EFNA5: variants seen among roughly 807,000 people sequenced by gnomAD.
The protein encoded by EFNA5 is ephrin-A5.
In EFNA5, 5 loss-of-function variants were observed where a neutral mutation model predicts 22.9. The ratio of observed to expected loss-of-function variants is 0.22; its 90% CI spans 0.11 to 0.46. The LOEUF (loss-of-function observed/expected upper bound fraction) is 0.46. EFNA5 is among the 20% of genes least tolerant of loss of function. The probability of loss-of-function intolerance (pLI) is 0.99; values close to 1 mark genes in which losing one functional copy is unlikely to be tolerated. For missense variants in EFNA5, 237 were observed against 293.3 expected (o/e 0.81, Z 1.40); for synonymous variants, 113 against 112.2 (o/e 1.01, Z -0.04).
At chr5:107,472,374 A>G (rs770477303) in intron 1 of EFNA5, among the ~76,000 whole-genome samples, 3 of 152,168 alleles carry the variant, frequency 2.0e-5, no homozygotes, top group Non-Finnish European at 4.4e-5. Flanking sequence ...TGCAAATAAT[A>G]ATGTTAATAG....
At chr5:107,639,428 A>C (rs537052025) in intron 1 of EFNA5, among the ~76,000 whole-genome samples, 1 of 152,304 alleles carries the variant, frequency 6.6e-6, no homozygotes, top group African/African-American at 2.4e-5. Context: ...TCATCCAATA[A>C]TCTCTCAATG....
At chr5:107,501,362 T>C (rs1207547356) in intron 1 of EFNA5, among the ~76,000 whole-genome samples, 3 of 152,216 alleles carry the variant, frequency 2.0e-5, no homozygotes, top group Non-Finnish European at 4.4e-5. Context: ...GCTTCTTATT[T>C]TATCTGTGTA....
intron 1 of EFNA5, among the ~76,000 whole-genome samples, chr5:107,520,319 C>G (rs1455214230): frequency 6.6e-6 from 1 of 152,070 alleles, no homozygotes; most frequent in African/African-American, 2.4e-5. Flanking sequence ...GGGTGGGGCC[C>G]TTCACTCTCA....
intron 1 of EFNA5, among the ~76,000 whole-genome samples, chr5:107,506,601 C>A (rs1316437232): frequency 6.6e-6 from 1 of 152,066 alleles, no homozygotes; most frequent in Non-Finnish European, 1.5e-5. Flanking sequence ...GAAATGAGTG[C>A]CTGAGGCAGG....
intron 1 of EFNA5, among the ~76,000 whole-genome samples, chr5:107,452,315 C>A (rs1306031678): frequency 1.3e-5 from 2 of 151,860 alleles, no homozygotes; most frequent in African/African-American, 4.8e-5. Context: ...ACGTTCCGCA[C>A]AAGTATCCCG....
At chr5:107,561,117 C>A (rs761551204) in intron 1 of EFNA5, among the ~76,000 whole-genome samples, 3 of 152,154 alleles carry the variant, frequency 2.0e-5, no homozygotes, top group Non-Finnish European at 4.4e-5. Flanking sequence ...TCTTTACAGG[C>A]CTGATGAGCA....
intron 1 of EFNA5, among the ~76,000 whole-genome samples, chr5:107,647,004 C>T (rs1200116767): frequency 6.6e-6 from 1 of 151,946 alleles, no homozygotes; most frequent in Non-Finnish European, 1.5e-5. Context: ...TTTTAAATAA[C>T]ATATCAAAGA....
intron 1 of EFNA5, among the ~76,000 whole-genome samples, chr5:107,491,547 G>A (rs576025051): frequency 2.0e-5 from 3 of 152,302 alleles, no homozygotes; most frequent in South Asian, 2.1e-4. Flanking sequence ...CTAACCTCAG[G>A]TGATCCACCT....
At chr5:107,489,666 C>CCG (rs1423920544) in intron 1 of EFNA5, among the ~76,000 whole-genome samples, 2 of 147,592 alleles carry the variant, frequency 1.4e-5, no homozygotes, top group Admixed American at 6.7e-5. Flanking sequence ...ACCTACCCCC[C>CCG]CCACCAAGAT....
At chr5:107,652,451 G>T (rs533292941) in intron 1 of EFNA5, among the ~76,000 whole-genome samples, 2 of 152,144 alleles carry the variant, frequency 1.3e-5, no homozygotes, top group East Asian at 3.9e-4. Flanking sequence ...TGACACTATT[G>T]TTCTAATATA....
chr5:107,522,424 G>T (rs1747617686), intron 1 of EFNA5, among the ~76,000 whole-genome samples: 1 of 151,678 alleles, frequency 6.6e-6, no homozygotes, highest in South Asian at 2.1e-4. Flanking sequence ...AAAGACACAG[G>T]GTCTCCTTCT....
At chr5:107,432,862 A>G (rs900290838) in intron 1 of EFNA5, among the ~76,000 whole-genome samples, 11 of 152,206 alleles carry the variant, frequency 7.2e-5, no homozygotes, top group Admixed American at 2.0e-4. Flanking sequence ...CCCCTGAGAC[A>G]GCAAGACCAA....
At chr5:107,667,538 G>C (rs1751103429) in intron 1 of EFNA5, among the ~76,000 whole-genome samples, 1 of 152,050 alleles carries the variant, frequency 6.6e-6, no homozygotes, top group Non-Finnish European at 1.5e-5. Context: ...CTGTGATCAA[G>C]ATACATTTAA....
At chr5:107,410,172 C>A (rs962675357) in intron 2 of EFNA5, among the ~76,000 whole-genome samples, 1 of 151,912 alleles carries the variant, frequency 6.6e-6, no homozygotes, top group African/African-American at 2.4e-5. Flanking sequence ...GGACTACAGG[C>A]ACCCGCCACC....
At chr5:107,467,120 A>G (rs1228098324) in intron 1 of EFNA5, among the ~76,000 whole-genome samples, 4 of 152,298 alleles carry the variant, frequency 2.6e-5, no homozygotes, top group Admixed American at 1.3e-4. Flanking sequence ...TAAAGGAATG[A>G]TTGTAATGGT....
chr5:107,500,911 A>G (rs749999736), intron 1 of EFNA5, among the ~76,000 whole-genome samples: 9 of 151,792 alleles, frequency 5.9e-5, no homozygotes, highest in Non-Finnish European at 1.0e-4. Flanking sequence ...TGAACATTTC[A>G]GCCAGGATTG....
intron 2 of EFNA5, among the ~76,000 whole-genome samples, chr5:107,397,084 A>ATTT (rs146839603): frequency 1.4e-5 from 2 of 142,778 alleles, no homozygotes; most frequent in Admixed American, 6.9e-5. Context: ...TCCACTCTTT[A>ATTT]ATTTTTTTTT....
chr5:107,584,040 G>T lies in EFNA5; in HGVS notation c.125+86449C>A, dbSNP rs376957047. On this transcript the variant is annotated intron_variant, in intron 1 of 4. Coordinates refer to ENST00000333274, the MANE Select transcript of EFNA5 (RefSeq NM_001962.3). Reference sequence around the variant, plus strand: ...CCACACAGGCTCGGCGTCCACAGGGGATTATGTATCTCTAGGGAAAGGTCA... The same window carrying T: ...CCACACAGGCTCGGCGTCCACAGGGTATTATGTATCTCTAGGGAAAGGTCA... Among the ~76,000 whole-genome samples the T allele has an allele frequency of 4.6e-5, 7 of 152,308 alleles. No individual in the cohort carries two copies. In the East Asian group the frequency reaches 9.7e-4, roughly 21 times the overall value.
intron 1 of EFNA5, among the ~76,000 whole-genome samples, chr5:107,637,763 T>C (rs1207926293): frequency 6.7e-6 from 1 of 148,974 alleles, no homozygotes. Context: ...TAATCACATA[T>C]GTAATAATAT....
Sources: allele counts gnomAD v4.1 joint callset (sites outside exome capture counted in the v4.1 genomes callset), GRCh38; gene constraint gnomAD v4.1.1; transcripts MANE v1.5; gene names NCBI Gene and HGNC (gene_info 2026-07-23, HGNC 2026-07-21).